Variants in GATAD1 observed in about 807,000 individuals in gnomAD.
GATAD1 encodes GATA zinc finger domain containing 1.
GATAD1 carries 12 observed loss-of-function variants against 26.5 expected under a neutral mutation model. The ratio of observed to expected loss-of-function variants is 0.45; its 90% CI spans 0.29 to 0.73. The LOEUF is 0.73. Among genes scored for constraint, GATAD1 ranks in the 30% least tolerant of loss-of-function variants. The pLI is 0.10. For synonymous variants in GATAD1, 129 were observed against 133.1 expected, an observed-to-expected ratio of 0.97 and a Z score of 0.21; for missense variants, 266 against 342.1, an observed-to-expected ratio of 0.78 and a Z score of 1.75.
chr7:92,491,511 C>A, the GATAD1 span: 3 of 1,494,832 alleles, frequency 2.0e-6, no homozygotes, highest in East Asian at 2.3e-5. Flanking sequence ...TCCTAAAATA[C>A]ACAAAAGGAC....
In GATAD1 at chr7:92,448,819, C is replaced by T; in HGVS notation, c.317C>T (p.Ala106Val). 1.2e-6 allele frequency: 2 copies of T among 1,610,478 alleles called. No individual in the cohort carries two copies. The highest frequency in any genetic ancestry group is 8.5e-7 in the Non-Finnish European group (1 of 1,176,694). ...ACTAAATACAAATCTGCTCCGGCTG[C>T]TGAAAAGAAAGTCTCCACCAAAGGA... ...RNTKYKSAPA[A>V]EKKVSTKGKG... Residue 106 changes from alanine to valine, a missense_variant, in exon 2 of 5, where the codon GCT becomes GTT. Coordinates refer to ENST00000287957, the MANE Select transcript of GATAD1 (RefSeq NM_021167.5).
the GATAD1 span, among the ~76,000 whole-genome samples, chr7:92,476,088 G>A: frequency 6.6e-6 from 1 of 152,050 alleles, no homozygotes; most frequent in Non-Finnish European, 1.5e-5. Flanking sequence ...AGGGAGTTCC[G>A]CCTAGGTCTG....
chr7:92,456,031 C>T (rs1040606761), intron 4 of GATAD1, among the ~76,000 whole-genome samples: 4 of 152,290 alleles, frequency 2.6e-5, no homozygotes, highest in African/African-American at 9.6e-5. Context: ...GTCTCTCTTG[C>T]CTCACTTTCC....
the GATAD1 span, among the ~76,000 whole-genome samples, chr7:92,480,019 T>G: frequency 6.6e-6 from 1 of 152,092 alleles, no homozygotes; most frequent in Non-Finnish European, 1.5e-5. Flanking sequence ...CTATCCTCCT[T>G]TTTAAGTTGG....
At chr7:92,460,310 G>A (rs905637285), downstream of GATAD1, among the ~76,000 whole-genome samples, 18 of 152,238 alleles carry the variant, frequency 1.2e-4, no homozygotes, top group Admixed American at 3.9e-4. Flanking sequence ...GGCTGCCCTG[G>A]GGATGTTTGA....
At chr7:92,484,000 C>T in the GATAD1 span, among the ~76,000 whole-genome samples, 1 of 152,022 alleles carries the variant, frequency 6.6e-6, no homozygotes, top group Non-Finnish European at 1.5e-5. Flanking sequence ...GGATGAGTCG[C>T]ATTGGGAGCA....
the GATAD1 span, among the ~76,000 whole-genome samples, chr7:92,486,835 A>T: frequency 6.6e-6 from 1 of 152,226 alleles, no homozygotes; most frequent in African/African-American, 2.4e-5. Flanking sequence ...TTCATATATG[A>T]GAGAATATCA....
the GATAD1 span, among the ~76,000 whole-genome samples, chr7:92,478,841 T>G: frequency 4.6e-5 from 7 of 152,166 alleles, no homozygotes; most frequent in African/African-American, 1.7e-4. Flanking sequence ...CCCACCCTCT[T>G]CTTGTCAGCA....
At chr7:92,452,835 A>C (rs1789495648) in intron 3 of GATAD1, among the ~76,000 whole-genome samples, 1 of 152,252 alleles carries the variant, frequency 6.6e-6, no homozygotes, top group Admixed American at 6.5e-5. Context: ...ATATTCATTC[A>C]GCATACATTT....
the GATAD1 span, among the ~76,000 whole-genome samples, chr7:92,473,433 T>C: frequency 6.6e-6 from 1 of 151,932 alleles, no homozygotes; most frequent in African/African-American, 2.4e-5. Flanking sequence ...GGAGGTGGAA[T>C]CCTTTAGTTT....
chr7:92,456,009 G>T (rs1401246450), intron 4 of GATAD1, among the ~76,000 whole-genome samples: 1 of 152,180 alleles, frequency 6.6e-6, no homozygotes, highest in African/African-American at 2.4e-5. Context: ...TGTGACTTTG[G>T]CAAGTTTCTT....
At chr7:92,494,239 A>G in the GATAD1 span, 1 of 1,302,304 alleles carries the variant, frequency 7.7e-7, no homozygotes, top group Admixed American at 1.8e-5. Context: ...TAAAGCTCAC[A>G]AGGAAAGAGT....
chr7:92,494,899 G>A, the GATAD1 span, among the ~76,000 whole-genome samples: 1 of 151,726 alleles, frequency 6.6e-6, no homozygotes, highest in Non-Finnish European at 1.5e-5. Context: ...CTTGTATTCA[G>A]TAAACTGTTG....
downstream of GATAD1, among the ~76,000 whole-genome samples, chr7:92,464,318 C>T (rs75326517): frequency 7.2e-5 from 11 of 152,294 alleles, no homozygotes; most frequent in East Asian, 1.9e-3. Flanking sequence ...ATTGAAAATA[C>T]GGATTTGAGA....
At chr7:92,483,058 G>C in the GATAD1 span, among the ~76,000 whole-genome samples, 8 of 152,228 alleles carry the variant, frequency 5.3e-5, no homozygotes, top group Non-Finnish European at 8.8e-5. Context: ...GTCTTCAGCT[G>C]CTAAGCCGAG....
At chr7:92,490,161 G>A in the GATAD1 span, 2 of 509,740 alleles carry the variant, frequency 3.9e-6, no homozygotes, top group Non-Finnish European at 7.0e-6. Flanking sequence ...TTTTAACTTT[G>A]TTGCTTAAAT....
chr7:92,447,866 C>A lies in GATAD1; in HGVS notation c.137C>A (p.Ser46Ter). Reference sequence around the variant, plus strand: ...GGCGCGGGCAGCGGGGGCGCAGGCTCGGGGGCGGCTGGAGGGACTGGGGGC... The same window carrying A: ...GGCGCGGGCAGCGGGGGCGCAGGCTAGGGGGCGGCTGGAGGGACTGGGGGC... ...RGGAGSGGAGSGAAGGTGGSG... is the reference protein window; with the variant it reads ...RGGAGSGGAG Residue 46 changes from serine (S) to a stop codon, truncating the protein, a stop_gained, in exon 1 of 5, where the codon TCG becomes TAG. Coordinates refer to ENST00000287957, the MANE Select transcript of GATAD1 (RefSeq NM_021167.5). LOFTEE classifies it high-confidence loss of function. 7.3e-7 allele frequency: 1 copy of A among 1,361,318 alleles called. No homozygotes were observed. Among genetic ancestry groups the A allele is most frequent in the Middle Eastern group, 2.0e-4 (1 of 5,016 alleles). 84.3% of individuals were successfully genotyped at this position (1,361,318 alleles called of 1,614,324 possible).
In GATAD1 at chr7:92,454,559, C is replaced by T. The variant is rs746113520; in HGVS notation, c.493C>T (p.Pro165Ser). Reference sequence around the variant, plus strand: ...TGTGATTGATGAACAAGATGGAAAGCCCTACTATGCTCAAATCAGAGGTTT... The same window carrying T: ...TGTGATTGATGAACAAGATGGAAAGTCCTACTATGCTCAAATCAGAGGTTT... ...VSVIDEQDGK[P>S]YYAQIRGFIQ... The change falls in exon 4 of 5, where the codon CCC becomes TCC. Residue 165 changes from proline to serine, a missense_variant. Physicochemically the swap from Pro to Ser is moderately conservative, Grantham distance 74. Coordinates refer to ENST00000287957, the MANE Select transcript of GATAD1 (RefSeq NM_021167.5). 15 of 1,612,498 alleles carry T rather than the reference C, an allele frequency of 9.3e-6. No homozygotes were observed. Among genetic ancestry groups the T allele is most frequent in the African/African-American group, 1.3e-5 (1 of 74,888 alleles).
the GATAD1 span, chr7:92,469,797 C>G: frequency 2.0e-5 from 15 of 765,966 alleles, no homozygotes; most frequent in Non-Finnish European, 2.9e-5. Flanking sequence ...AAACATATGG[C>G]CTGAAGTTCA....
Sources: allele counts gnomAD v4.1 joint callset (sites outside exome capture counted in the v4.1 genomes callset), GRCh38; gene constraint gnomAD v4.1.1; transcripts MANE v1.5; gene names NCBI Gene and HGNC (gene_info 2026-07-23, HGNC 2026-07-21).